Variants in CYLD observed in about 807,000 individuals in gnomAD.
CYLD encodes ubiquitin carboxyl-terminal hydrolase CYLD.
A neutral mutation model predicts 104.5 loss-of-function variants in CYLD; 26 were observed. The observed-to-expected ratio is 0.25, with a 90% confidence interval of 0.18 to 0.35. The LOEUF (loss-of-function observed/expected upper bound fraction) is 0.35, where lower values mean the gene tolerates loss of function less well. CYLD is among the 10% of genes least tolerant of loss of function. The pLI is 1.00. For missense variants in CYLD, 703 were observed against 1,136.1 expected (o/e 0.62, Z 5.48); for synonymous variants, 385 against 399.9 (o/e 0.96, Z 0.45).
intron 4 of CYLD, among the ~76,000 whole-genome samples, chr16:50,753,132 T>G (rs1473813880): frequency 1.5e-4 from 23 of 152,174 alleles, no homozygotes; most frequent in Admixed American, 1.1e-3. Context: ...TTCCAGGAAA[T>G]TCTATCTGAT....
intron 5 of CYLD, among the ~76,000 whole-genome samples, chr16:50,756,021 A>T (rs1291245830): frequency 6.6e-6 from 1 of 152,162 alleles, no homozygotes. Flanking sequence ...TGATCCCTCT[A>T]TAAGGCAAGC....
At chr16:50,791,858 A>G (rs1971466452) in intron 15 of CYLD, among the ~76,000 whole-genome samples, 168 bp downstream of exon 15, 1 of 152,266 alleles carries the variant, frequency 6.6e-6, no homozygotes, top group African/African-American at 2.4e-5. Context: ...TTGCCTTTAC[A>G]GAAAATGTCT....
chr16:50,755,681 G>C (rs1427007920), intron 5 of CYLD, among the ~76,000 whole-genome samples: 2 of 152,094 alleles, frequency 1.3e-5, no homozygotes, highest in Admixed American at 1.3e-4. Context: ...ATCTTCTTTT[G>C]ATAATTGTCT....
At chr16:50,768,561 G>T (rs1597022905) in intron 5 of CYLD, among the ~76,000 whole-genome samples, 1 of 152,208 alleles carries the variant, frequency 6.6e-6, no homozygotes, top group East Asian at 1.9e-4. Flanking sequence ...TTGATTGAAA[G>T]ATGCAGGAAT....
At position 50,750,204 on chromosome 16, in the gene CYLD, T is replaced by G; in HGVS notation, c.504+2T>G. 1 of 1,613,684 alleles carries G rather than the reference T, an allele frequency of 6.2e-7. No homozygotes were observed. The highest frequency in any genetic ancestry group is 2.2e-5 in the East Asian group (1 of 44,880). On this transcript the variant is annotated splice_donor_variant, in intron 3 of 18. Coordinates refer to ENST00000427738, the MANE Select transcript of CYLD (RefSeq NM_001378743.1). LOFTEE classifies it high-confidence loss of function. ...ATATTCTTTGGAGTTGAATTGCTGG[T>G]AAGTTTGATAAACCATTTTAGTAGT...
rs17314341 is a variant in CYLD at position 50,782,749 on chromosome 16, C to T, written c.1826+283C>T. Among the ~76,000 whole-genome samples, 52,921 of 151,880 alleles carry T rather than the reference C, an allele frequency of 0.35. 10,015 individuals carry two copies. The highest frequency in any genetic ancestry group is 0.42 in the Non-Finnish European group (28,502 of 67,916). Reference sequence around the variant, plus strand: ...AGAGGGTATCTGGGAAATCTTTGTGCATGTCTCAAACAACATAACTTGCAG... The same window carrying T: ...AGAGGGTATCTGGGAAATCTTTGTGTATGTCTCAAACAACATAACTTGCAG... On this transcript the variant is annotated intron_variant, in intron 11 of 18. Transcript: ENST00000427738.
At chr16:50,771,387 C>G (rs1034250852) in intron 5 of CYLD, among the ~76,000 whole-genome samples, 1 of 152,190 alleles carries the variant, frequency 6.6e-6, no homozygotes, top group South Asian at 2.1e-4. Context: ...ATGGATCTGC[C>G]GTATTTTGTT....
At chr16:50,784,528 T>C (rs1279866927) in intron 12 of CYLD, 77 bp downstream of exon 12, 1 of 1,440,278 alleles carries the variant, frequency 6.9e-7, no homozygotes, top group Non-Finnish European at 9.7e-7. Flanking sequence ...AATTAATTTA[T>C]ACCTTGTCTT....
At chr16:50,746,555 C>T (rs1966210490) in intron 2 of CYLD, among the ~76,000 whole-genome samples, 1 of 152,116 alleles carries the variant, frequency 6.6e-6, no homozygotes, top group East Asian at 1.9e-4. Context: ...TTGTGCTTGA[C>T]TATTTTAGTT....
rs79193041 is a variant in CYLD, at chr16:50,745,199, T to C, written c.-124+2358T>C. On this transcript the variant is annotated intron_variant, in intron 2 of 18. Coordinates refer to ENST00000427738, the MANE Select transcript of CYLD (RefSeq NM_001378743.1). Reference sequence around the variant, plus strand: ...CAAGTGAAAATTTCTCCCTTCACACTGACCCCTCACCCCCACCTGCCCTAC... The same window carrying C: ...CAAGTGAAAATTTCTCCCTTCACACCGACCCCTCACCCCCACCTGCCCTAC... 1.4e-4 allele frequency among the ~76,000 whole-genome samples: 22 copies of C among 152,218 alleles called. No individual in the cohort carries two copies. The East Asian group carries it at 4.3e-3, about 29-fold the overall frequency.
At chr16:50,782,270 T>C (rs1476736293) in intron 10 of CYLD, 55 bp from the exon 11 acceptor site, 1 of 1,305,142 alleles carries the variant, frequency 7.7e-7, no homozygotes, top group East Asian at 2.5e-5. Flanking sequence ...GAATACATAT[T>C]GTAATAGTTT....
intron 15 of CYLD, among the ~76,000 whole-genome samples, 196 bp from the exon 16 acceptor site, chr16:50,792,401 G>A (rs531281341): frequency 2.0e-5 from 3 of 152,268 alleles, no homozygotes; most frequent in East Asian, 1.9e-4. Flanking sequence ...GTGCCCCTGC[G>A]ATCATGAGCC....
rs1456720820 is a variant in CYLD at position 50,794,272 on chromosome 16, T to C, written c.2530T>C (p.Leu844=). Residue 844 remains leucine (L), a synonymous_variant, in exon 18 of 19, where the codon TTA becomes CTA. Coordinates refer to ENST00000427738, the MANE Select transcript of CYLD (RefSeq NM_001378743.1). The surrounding 1 kb of genome is among the most constrained non-coding windows in gnomAD (Gnocchi z 4.1). The stretch of plus-strand genomic sequence containing the variant: ...TAACCCAGTGTCACTTCCCAAAGAC[T>C]TACCCGACTGGGACTGGAGACACGG... The part of the protein sequence containing the change: ...KYNPVSLPKD[L]PDWDWRHGCI... The C allele has an allele frequency of 1.9e-6, 3 of 1,614,166 alleles. No homozygotes were observed. In the Admixed American group the frequency reaches 5.0e-5, roughly 27 times the overall value.
In CYLD at chr16:50,761,887, A is replaced by G. The variant is rs574690599; in HGVS notation, c.913+7463A>G. On this transcript the variant is annotated intron_variant, in intron 5 of 18. Coordinates refer to ENST00000427738, the MANE Select transcript of CYLD (RefSeq NM_001378743.1). Reference sequence around the variant, plus strand: ...ATACCCTGTTGTCTTAGTATCATTTATTAAAAAGTCCCTCTTTACTGGTTT... The same window carrying G: ...ATACCCTGTTGTCTTAGTATCATTTGTTAAAAAGTCCCTCTTTACTGGTTT... Among the ~76,000 whole-genome samples, 3 of 152,348 alleles carry G rather than the reference A, an allele frequency of 2.0e-5. No homozygotes were observed. In the South Asian group the frequency reaches 6.2e-4, roughly 32 times the overall value.
Position 50,750,024 on chromosome 16 carries a change from G to A in CYLD, c.326G>A (p.Arg109Lys), listed in dbSNP as rs1300952900. The A allele has an allele frequency of 6.2e-7, 1 of 1,614,008 alleles. No homozygotes were observed. Among genetic ancestry groups the A allele is most frequent in the Non-Finnish European group, 8.5e-7 (1 of 1,180,016 alleles). Residue 109 changes from arginine (R) to lysine (K), a missense_variant, in exon 3 of 19, where the codon AGG becomes AAG. Coordinates refer to ENST00000427738, the MANE Select transcript of CYLD (RefSeq NM_001378743.1). ...LLLAITNCEE[R>K]FSLFKNRNRL... ...TTGGCAATTACCAATTGTGAGGAGAGGTTCAGCCTGTTTAAAAACAGAAAC... is the reference window on the plus strand; with the variant it reads ...TTGGCAATTACCAATTGTGAGGAGAAGTTCAGCCTGTTTAAAAACAGAAAC...
At chr16:50,747,319 C>G (rs561755879) in intron 2 of CYLD, among the ~76,000 whole-genome samples, 1 of 152,156 alleles carries the variant, frequency 6.6e-6, no homozygotes, top group East Asian at 1.9e-4. Context: ...GCAACAAGGC[C>G]GTAAAAGGAG....
intron 2 of CYLD, among the ~76,000 whole-genome samples, chr16:50,745,582 C>T (rs1455612824): frequency 2.0e-5 from 3 of 151,558 alleles, no homozygotes; most frequent in Non-Finnish European, 4.4e-5. Flanking sequence ...TTGGGACAGG[C>T]TCTCATTCTG....
intron 2 of CYLD, among the ~76,000 whole-genome samples, chr16:50,747,377 A>G (rs1256721913): frequency 1.3e-5 from 2 of 152,252 alleles, no homozygotes; most frequent in Non-Finnish European, 2.9e-5. Flanking sequence ...ATTGCAAGGG[A>G]AAACTCTAGA....
Position 50,800,346 on chromosome 16 carries a change from A to T in CYLD, c.*3838A>T, listed in dbSNP as rs868795638. On this transcript the variant is annotated 3_prime_UTR_variant, in exon 19 of 19. Transcript: ENST00000427738. ...ACTGGAAGATCTCAAAGCTTCCTTC[A>T]CTTTTTGTGATTTTGTGGTCATGTA... The T allele has an allele frequency of 4.3e-6, 1 of 233,144 alleles. No homozygotes were observed. The highest frequency in any genetic ancestry group is 2.2e-5 in the African/African-American group (1 of 45,290). The allele number at this position is 233,144 out of a possible 1,614,324, so 14.4% of individuals were successfully genotyped here. A position where few individuals can be genotyped will look rare whatever the true frequency, so the allele number is the denominator to read the frequency against.
Sources: gnomAD v4.1 joint callset for allele counts (sites outside exome capture counted in the v4.1 genomes callset) on GRCh38, gnomAD v4.1.1 for gene constraint, Gnocchi (gnomAD v3.1) non-coding constraint, MANE v1.5 for transcripts, NCBI Gene and HGNC (gene_info 2026-07-23, HGNC 2026-07-21) for gene names.